FUT9: variants seen among roughly 807,000 people sequenced by gnomAD.
The protein encoded by FUT9 is 4-galactosyl-N-acetylglucosaminide 3-alpha-L-fucosyltransferase 9.
Under a neutral mutation model 29.7 loss-of-function variants are expected in FUT9, and 15 were observed. The observed-to-expected ratio is 0.51, with a 90% CI of 0.34 to 0.78. The LOEUF (loss-of-function observed/expected upper bound fraction) is 0.78, where lower values mean the gene tolerates loss of function less well. Among genes scored for constraint, FUT9 ranks in the 30% least tolerant of loss-of-function variants. FUT9 has a pLI of 0.01. For synonymous variants in FUT9, 169 were observed against 153.7 expected (o/e 1.10, Z -0.74); for missense variants, 319 against 425.4 (o/e 0.75, Z 2.20).
Position 96,178,358 on chromosome 6 carries a change from C to T in FUT9, c.-8-24790C>T, listed in dbSNP as rs115251616. Among the ~76,000 whole-genome samples, 1,436 of 152,202 alleles carry T rather than the reference C, an allele frequency of 9.4e-3. 24 individuals carry two copies. Among genetic ancestry groups the T allele is most frequent in the African/African-American group, 0.033 (1,377 of 41,534 alleles). On this transcript the variant is annotated intron_variant, in intron 2 of 2. Coordinates refer to ENST00000302103, the MANE Select transcript of FUT9 (RefSeq NM_006581.4). ...GGAGACACTGTATTATGGAAGAAGT[C>T]TTGGCCCAGAAGCTAATATATGTGG...
intron 1 of FUT9, among the ~76,000 whole-genome samples, chr6:96,098,928 TA>T: frequency 6.6e-6 from 1 of 152,270 alleles, no homozygotes; most frequent in East Asian, 1.9e-4. Flanking sequence ...TGTGCTCTCA[TA>T]AAATTTTGTG....
chr6:96,140,751 TC>T (rs1275902156), intron 2 of FUT9, among the ~76,000 whole-genome samples: 1 of 152,000 alleles, frequency 6.6e-6, no homozygotes, highest in Non-Finnish European at 1.5e-5. Context: ...GGAAAACCCA[TC>T]CTTATGATTC....
At chr6:96,163,974 G>C (rs1295781754) in intron 2 of FUT9, among the ~76,000 whole-genome samples, 1 of 152,178 alleles carries the variant, frequency 6.6e-6, no homozygotes, top group African/African-American at 2.4e-5. Flanking sequence ...ACAACCTCAG[G>C]AGATCCTGAC....
intron 2 of FUT9, among the ~76,000 whole-genome samples, chr6:96,137,316 T>G (rs1243022517): frequency 6.6e-6 from 1 of 152,008 alleles, no homozygotes; most frequent in African/African-American, 2.4e-5. Context: ...TATACTCCAG[T>G]GTAGAGAATG....
At chr6:96,099,243 C>A (rs1771548234) in intron 1 of FUT9, among the ~76,000 whole-genome samples, 1 of 152,118 alleles carries the variant, frequency 6.6e-6, no homozygotes, top group African/African-American at 2.4e-5. Context: ...CATTTCATTT[C>A]TTTGTGCCTC....
At chr6:96,021,170 T>A (rs1308385706) in intron 1 of FUT9, among the ~76,000 whole-genome samples, 1 of 152,078 alleles carries the variant, frequency 6.6e-6, no homozygotes, top group East Asian at 1.9e-4. Context: ...GATCTAGGCA[T>A]GCTGTGGCTA....
intron 2 of FUT9, among the ~76,000 whole-genome samples, chr6:96,181,593 C>T (rs1033303245): frequency 1.3e-5 from 2 of 151,896 alleles, no homozygotes; most frequent in Non-Finnish European, 2.9e-5. Context: ...CTCCTTTCTC[C>T]CTGAGTACCC....
At chr6:96,169,072 C>A (rs1167920720) in intron 2 of FUT9, among the ~76,000 whole-genome samples, 2 of 152,144 alleles carry the variant, frequency 1.3e-5, no homozygotes, top group African/African-American at 4.8e-5. Context: ...AGTCAACATG[C>A]CCAGCAACTG....
intron 1 of FUT9, among the ~76,000 whole-genome samples, chr6:96,033,072 G>C (rs561958397): frequency 6.6e-6 from 1 of 151,566 alleles, no homozygotes; most frequent in Non-Finnish European, 1.5e-5. Context: ...GTGGTTTCCA[G>C]CTCTCTACAA....
chr6:96,143,035 AAATCTTAGTG>A (rs1772494129), intron 2 of FUT9, among the ~76,000 whole-genome samples: 1 of 152,218 alleles, frequency 6.6e-6, no homozygotes, highest in South Asian at 2.1e-4. Context: ...AAGAGAAATA[AAATCTTAGTG>A]AACTTTAGGG....
At position 96,214,019 on chromosome 6, in the gene FUT9, T is replaced by A. The variant is rs918821637; in HGVS notation, c.*9784T>A. The A allele has an allele frequency of 3.0e-5, 5 of 166,940 alleles. No individual in the cohort carries two copies. Among genetic ancestry groups the A allele is most frequent in the African/African-American group, 1.2e-4 (5 of 41,432 alleles). 10.3% of individuals were successfully genotyped at this position (166,940 alleles called of 1,614,324 possible). A position where few individuals can be genotyped will look rare whatever the true frequency, so the allele number is the denominator to read the frequency against. ...TCCTTTCAAAAGTCCCTTTTCAACA[T>A]TTGGTAAAGTGAAAATGTTATTCAT... On this transcript the variant is annotated 3_prime_UTR_variant, in exon 3 of 3. Transcript: ENST00000302103.
intron 1 of FUT9, among the ~76,000 whole-genome samples, chr6:96,032,466 GGAAA>G: frequency 6.6e-6 from 1 of 151,488 alleles, no homozygotes; most frequent in South Asian, 2.1e-4. Context: ...CAAGTAGTAA[GGAAA>G]GAAAAGAAAG....
At chr6:96,087,820 C>A (rs1010274453) in intron 1 of FUT9, among the ~76,000 whole-genome samples, 1 of 152,092 alleles carries the variant, frequency 6.6e-6, no homozygotes, top group African/African-American at 2.4e-5. Context: ...ACATGTTTAC[C>A]ATTTCCAGTG....
At chr6:96,181,717 T>C (rs1773312709) in intron 2 of FUT9, among the ~76,000 whole-genome samples, 1 of 151,988 alleles carries the variant, frequency 6.6e-6, no homozygotes, top group Non-Finnish European at 1.5e-5. Context: ...CTAAGAATAA[T>C]AGTCTCAAAT....
At position 96,203,905 on chromosome 6, in the gene FUT9, G is replaced by A. The variant is rs916552488; in HGVS notation, c.750G>A (p.Lys250=). 7.4e-6 allele frequency: 12 copies of A among 1,612,654 alleles called. No individual in the cohort carries two copies. Among genetic ancestry groups the A allele is most frequent in the African/African-American group, 2.7e-5 (2 of 74,988 alleles). ...TTTCCTTTGAAAATTCAATCCACAAGGATTACATCACGGAAAAGCTATACA... is the reference window on the plus strand; with the variant it reads ...TTTCCTTTGAAAATTCAATCCACAAAGATTACATCACGGAAAAGCTATACA... The part of the protein sequence containing the change: ...FYLSFENSIH[K]DYITEKLYNA... The change falls in exon 3 of 3, where the codon AAG becomes AAA. Residue 250 remains lysine, a synonymous_variant. Transcript: ENST00000302103.
intron 2 of FUT9, among the ~76,000 whole-genome samples, chr6:96,164,731 A>C (rs1245453938): frequency 6.6e-6 from 1 of 152,106 alleles, no homozygotes; most frequent in African/African-American, 2.4e-5. Flanking sequence ...CATGGCCTGA[A>C]CTCGTGTTTC....
rs1233873887 is a variant in FUT9, at chr6:96,215,275, A to T, written c.*11040A>T. 6.0e-6 allele frequency: 1 copy of T among 167,072 alleles called. No homozygotes were observed. The highest frequency in any genetic ancestry group is 1.5e-5 in the Non-Finnish European group (1 of 68,096). 10.3% of individuals were successfully genotyped at this position (167,072 alleles called of 1,614,324 possible). A position where few individuals can be genotyped will look rare whatever the true frequency, so the allele number is the denominator to read the frequency against. ...CATTTGAAATTTTCTTCCCTTAAAC[A>T]TGCTGTCACAACATGGATTCCTTCT... On this transcript the variant is annotated 3_prime_UTR_variant, in exon 3 of 3. Transcript: ENST00000302103.
At chr6:96,132,762 T>C (rs1308466427) in intron 2 of FUT9, among the ~76,000 whole-genome samples, 2 of 152,096 alleles carry the variant, frequency 1.3e-5, no homozygotes, top group East Asian at 1.9e-4. Context: ...TGTGCTAAAA[T>C]GTAAAAAGCA....
intron 2 of FUT9, among the ~76,000 whole-genome samples, chr6:96,190,771 G>A (rs1773492089): frequency 6.6e-6 from 1 of 152,046 alleles, no homozygotes; most frequent in African/African-American, 2.4e-5. Flanking sequence ...GTCCTTTAAG[G>A]ACTTCTCTAC....
Sources: gnomAD v4.1 joint callset for allele counts (sites outside exome capture counted in the v4.1 genomes callset) on GRCh38, gnomAD v4.1.1 for gene constraint, MANE v1.5 for transcripts, NCBI Gene and HGNC (gene_info 2026-07-23, HGNC 2026-07-21) for gene names.